The following IFT88 variants were observed in gnomAD, a reference collection of about 807,000 sequenced individuals.
IFT88 encodes the protein intraflagellar transport 88.
A neutral mutation model predicts 119.5 loss-of-function variants in IFT88; 74 were observed. The observed-to-expected ratio is 0.62, with a 90% CI of 0.51 to 0.75. The LOEUF (loss-of-function observed/expected upper bound fraction) is 0.75, where lower values mean the gene tolerates loss of function less well. IFT88 is among the 30% of genes least tolerant of loss of function. The pLI is 0.00. For missense variants in IFT88, 961 were observed against 977.7 expected (o/e 0.98, Z 0.23); for synonymous variants, 279 against 316.7 (o/e 0.88, Z 1.26).
rs544175473 is a variant in IFT88, at chr13:20,671,010, G to A, written c.2213G>A (p.Arg738His). The A allele has an allele frequency of 7.4e-6, 12 of 1,613,866 alleles. No homozygotes were observed. The highest frequency in any genetic ancestry group is 6.7e-5 in the African/African-American group (5 of 74,896). Residue 738 changes from arginine (R) to histidine (H), a missense_variant, in exon 24 of 26, where the codon CGT (arginine) becomes CAT (histidine). Arg to His is a conservative substitution (Grantham distance 29). Transcript: ENST00000351808. ...GGCAGAGATGGCAGTGGGGGCTCCC[G>A]TGGCAAAAGAGAAGGAAGTGCTAGC... ...KSGRDGSGGSRGKREGSASGD... is the reference protein window; with the variant it reads ...KSGRDGSGGSHGKREGSASGD...
chr13:20,644,818 GT>G lies in IFT88; in HGVS notation c.1834-23del, dbSNP rs1252572602. 12 of 1,000,972 alleles carry G rather than the reference GT, an allele frequency of 1.2e-5. No homozygotes were observed. In the East Asian group the frequency reaches 2.9e-4, roughly 24 times the overall value. The allele number at this position is 1,000,972 out of a possible 1,614,324, so 62.0% of individuals were successfully genotyped here. On this transcript the variant is annotated intron_variant, in intron 19 of 25. Coordinates refer to ENST00000351808, the MANE Select transcript of IFT88 (RefSeq NM_006531.5). ...TATATGTTGCCATTGAAGTTGTATT[GT>G]TACATTCCATATTTGTTTTACAGTC...
intron 9 of IFT88, 111 bp downstream of exon 9, chr13:20,597,230 C>T: frequency 3.7e-6 from 2 of 541,108 alleles, no homozygotes; most frequent in Non-Finnish European, 6.6e-6. Context: ...CAGGTGCTCA[C>T]AATTAGATTA....
At chr13:20,674,980 TG>T (rs2056480649) in intron 24 of IFT88, among the ~76,000 whole-genome samples, 1 of 151,968 alleles carries the variant, frequency 6.6e-6, no homozygotes, top group South Asian at 2.1e-4. Flanking sequence ...CCCAAAGTGC[TG>T]GGATTACAGG....
intron 15 of IFT88, among the ~76,000 whole-genome samples, 173 bp downstream of exon 15, chr13:20,626,022 A>G (rs1318872512): frequency 8.3e-6 from 1 of 120,708 alleles, no homozygotes; most frequent in South Asian, 2.7e-4. Flanking sequence ...ACTTTTATTA[A>G]TTTTTGCCTG....
chr13:20,605,973 ACT>A (rs1027972866), intron 13 of IFT88, among the ~76,000 whole-genome samples: 5 of 151,872 alleles, frequency 3.3e-5, no homozygotes, highest in Non-Finnish European at 7.4e-5. Context: ...CAACCTGGAA[ACT>A]CTCTGAACTG....
intron 24 of IFT88, among the ~76,000 whole-genome samples, chr13:20,677,678 C>T (rs2141106767): frequency 6.6e-6 from 1 of 152,302 alleles, no homozygotes; most frequent in Non-Finnish European, 1.5e-5. Flanking sequence ...AATACTTCCT[C>T]ATACTTAAGG....
At chr13:20,591,550 T>G in intron 5 of IFT88, 68 bp from the exon 6 acceptor site, 1 of 1,152,684 alleles carries the variant, frequency 8.7e-7, no homozygotes, top group Non-Finnish European at 1.3e-6. Flanking sequence ...AAGGTGTGTG[T>G]AATGTGCAGA....
intron 7 of IFT88, among the ~76,000 whole-genome samples, chr13:20,593,956 T>G: frequency 6.6e-6 from 1 of 151,024 alleles, no homozygotes; most frequent in East Asian, 1.9e-4. Flanking sequence ...AAGGCTGAGG[T>G]GGGAGGATGG....
At position 20,691,314 on chromosome 13, in the gene IFT88, A is replaced by G. The variant is rs1384078980; in HGVS notation, c.*139A>G. The G allele has an allele frequency of 1.4e-6, 1 of 735,086 alleles. No individual in the cohort carries two copies. Among genetic ancestry groups the G allele is most frequent in the Non-Finnish European group, 2.1e-6 (1 of 479,500 alleles). 45.5% of individuals were successfully genotyped at this position (735,086 alleles called of 1,614,324 possible). A position where few individuals can be genotyped will look rare whatever the true frequency, so the allele number is the denominator to read the frequency against. On this transcript the variant is annotated 3_prime_UTR_variant, in exon 26 of 26. Transcript: ENST00000351808. ...AGTAAGTGTATTCTATTCTGTATGTATGCATTTAAGTTGTTTTTTTCTTTT... is the reference window on the plus strand; with the variant it reads ...AGTAAGTGTATTCTATTCTGTATGTGTGCATTTAAGTTGTTTTTTTCTTTT...
intron 1 of IFT88, among the ~76,000 whole-genome samples, chr13:20,569,807 T>A (rs1468364144): frequency 6.6e-6 from 1 of 151,806 alleles, no homozygotes; most frequent in Non-Finnish European, 1.5e-5. Context: ...GGTGGGCGGA[T>A]CACAAGGTCA....
intron 2 of IFT88, among the ~76,000 whole-genome samples, chr13:20,580,385 C>T (rs1008367494): frequency 1.3e-5 from 2 of 151,930 alleles, no homozygotes; most frequent in African/African-American, 2.4e-5. Context: ...GCCGTGGTGG[C>T]GGGCACCTGT....
intron 13 of IFT88, among the ~76,000 whole-genome samples, chr13:20,611,154 T>A (rs1247362954): frequency 3.3e-5 from 5 of 151,490 alleles, no homozygotes; most frequent in African/African-American, 1.2e-4. Context: ...GGATGAAAAC[T>A]ACACAACCAT....
intron 23 of IFT88, among the ~76,000 whole-genome samples, chr13:20,667,491 G>A (rs2054917997): frequency 6.6e-6 from 1 of 152,200 alleles, no homozygotes; most frequent in Non-Finnish European, 1.5e-5. Context: ...AGCCCAGGGT[G>A]TTCCCCGTGG....
rs759522391 is a variant in IFT88, at chr13:20,656,445, A to G, written c.2068+15A>G. The G allele has an allele frequency of 3.8e-6, 5 of 1,326,370 alleles. No individual in the cohort carries two copies. The highest frequency in any genetic ancestry group is 3.0e-5 in the African/African-American group (2 of 67,692). 82.2% of individuals were successfully genotyped at this position (1,326,370 alleles called of 1,614,324 possible). On this transcript the variant is annotated intron_variant, in intron 22 of 25. Transcript: ENST00000351808. ...AAATGTCGAATGTAAGTGGCATTAC[A>G]TAATGTAACTTTGAAGTGATAAGTT... is the stretch of plus-strand genomic sequence containing the variant.
intron 22 of IFT88, 45 bp from the exon 23 acceptor site, chr13:20,663,453 A>T: frequency 6.2e-7 from 1 of 1,600,518 alleles, no homozygotes; most frequent in Non-Finnish European, 8.5e-7. Context: ...TTTAACAAAT[A>T]TACTGTGCCT....
intron 20 of IFT88, among the ~76,000 whole-genome samples, chr13:20,647,401 TC>T (rs1015742280): frequency 1.3e-5 from 2 of 152,178 alleles, no homozygotes; most frequent in African/African-American, 4.8e-5. Flanking sequence ...GTCACATAGT[TC>T]TTTACATATT....
At chr13:20,682,788 A>G (rs533050858) in intron 24 of IFT88, among the ~76,000 whole-genome samples, 23 of 152,346 alleles carry the variant, frequency 1.5e-4, no homozygotes, top group African/African-American at 5.3e-4. Flanking sequence ...CTTGTCCTAT[A>G]TAAGTGACAA....
At chr13:20,658,790 G>T (rs1027602434) in intron 22 of IFT88, among the ~76,000 whole-genome samples, 6 of 152,188 alleles carry the variant, frequency 3.9e-5, no homozygotes, top group African/African-American at 1.4e-4. Flanking sequence ...TCCCTTGGGG[G>T]TGCAAAATTG....
At chr13:20,579,913 A>T (rs754964818) in intron 2 of IFT88, among the ~76,000 whole-genome samples, 3 of 152,226 alleles carry the variant, frequency 2.0e-5, no homozygotes, top group Admixed American at 2.0e-4. Context: ...GGAATTTAGT[A>T]TAAATCAGGA....
Sources: gnomAD v4.1 joint callset for allele counts (sites outside exome capture counted in the v4.1 genomes callset) on GRCh38, gnomAD v4.1.1 for gene constraint, MANE v1.5 for transcripts, NCBI Gene and HGNC (gene_info 2026-07-23, HGNC 2026-07-21) for gene names.